The following HECW2 variants were observed in gnomAD, a reference collection of about 807,000 sequenced individuals.
HECW2 encodes E3 ubiquitin-protein ligase HECW2.
In HECW2, 61 loss-of-function variants were observed where a neutral mutation model predicts 175.2. The observed-to-expected ratio is 0.35, with a 90% CI of 0.28 to 0.43. The LOEUF is 0.43. Among genes scored for constraint, HECW2 ranks in the 20% least tolerant of loss-of-function variants. The pLI is 1.00. For missense variants in HECW2, 1,524 were observed against 2,000.5 expected (o/e 0.76, Z 4.54); for synonymous variants, 671 against 731.0 (o/e 0.92, Z 1.32).
chr2:196,389,967 C>T (rs1049941334), intron 2 of HECW2, among the ~76,000 whole-genome samples: 3 of 152,104 alleles, frequency 2.0e-5, no homozygotes, highest in African/African-American at 7.2e-5. Flanking sequence ...CCAGCCAAAA[C>T]CCTTTCTGAT....
intron 15 of HECW2, among the ~76,000 whole-genome samples, chr2:196,274,715 G>A (rs902343859): frequency 2.0e-5 from 3 of 152,182 alleles, no homozygotes; most frequent in African/African-American, 7.2e-5. Context: ...CCACACCAGG[G>A]TGCTAATAGG....
intron 10 of HECW2, among the ~76,000 whole-genome samples, chr2:196,308,562 A>G (rs1453807319): frequency 1.3e-5 from 2 of 152,240 alleles, no homozygotes; most frequent in African/African-American, 4.8e-5. Flanking sequence ...GTCCTCAGAA[A>G]AAAATAACTA....
At chr2:196,369,362 C>A (rs1201515760) in intron 2 of HECW2, among the ~76,000 whole-genome samples, 1 of 130,534 alleles carries the variant, frequency 7.7e-6, no homozygotes, top group East Asian at 2.0e-4. Flanking sequence ...CTCTCTCTCT[C>A]TCTCTCTCTC....
At chr2:196,303,959 A>C (rs554546462) in intron 13 of HECW2, among the ~76,000 whole-genome samples, 23 of 152,054 alleles carry the variant, frequency 1.5e-4, no homozygotes, top group African/African-American at 5.1e-4. Flanking sequence ...CGTTAGCCCA[A>C]GCCACTTCCA....
At chr2:196,358,852 A>G (rs569630030) in intron 2 of HECW2, among the ~76,000 whole-genome samples, 65 of 152,304 alleles carry the variant, frequency 4.3e-4, no homozygotes, top group African/African-American at 1.5e-3. Flanking sequence ...TCCTTACTGT[A>G]CAGTGATTGT....
At chr2:196,343,865 G>T in intron 2 of HECW2, 101 bp from the exon 3 acceptor site, 1 of 797,538 alleles carries the variant, frequency 1.3e-6, no homozygotes, top group African/African-American at 1.7e-5. Context: ...AAAGATAAAT[G>T]AGAAAATATA....
rs182496059 is a variant in HECW2, at chr2:196,256,401, A to C, written c.3419+1422T>G. On this transcript the variant is annotated intron_variant, in intron 18 of 28. Transcript: ENST00000644978. ...AATGAGTTCTGAATTATTTGAATTC[A>C]AATACATTTGAATTCTACTACTTAA... Among the ~76,000 whole-genome samples, 194 of 152,328 alleles carry C rather than the reference A, an allele frequency of 1.3e-3. 1 individual carries two copies. The highest frequency in any genetic ancestry group is 5.0e-3 in the Admixed American group (77 of 15,306).
chr2:196,515,817 A>G (rs1003089023), intron 1 of HECW2, among the ~76,000 whole-genome samples: 1 of 152,054 alleles, frequency 6.6e-6, no homozygotes, highest in Non-Finnish European at 1.5e-5. Flanking sequence ...TTTTGCTACT[A>G]TGAGTGTTAT....
chr2:196,201,392 A>C lies in HECW2; in HGVS notation c.4608-4T>G. ...ACGGTTAAAACATGTATGCGCTCTG[A>C]AAACACAAGAAACAGCACATAGTTT... is the stretch of plus-strand genomic sequence containing the variant. On this transcript the variant is annotated splice_region_variant and splice_polypyrimidine_tract_variant and intron_variant, in intron 28 of 28. Coordinates refer to ENST00000644978, the MANE Select transcript of HECW2 (RefSeq NM_001348768.2). 6.3e-7 allele frequency: 1 copy of C among 1,593,722 alleles called. No individual in the cohort carries two copies.
At chr2:196,556,567 T>G (rs1689801240) in intron 1 of HECW2, among the ~76,000 whole-genome samples, 1 of 152,234 alleles carries the variant, frequency 6.6e-6, no homozygotes, top group African/African-American at 2.4e-5. Context: ...TCACTTAGCA[T>G]CATGTCCTTA....
At chr2:196,396,691 A>G (rs966194415) in intron 2 of HECW2, among the ~76,000 whole-genome samples, 1 of 152,238 alleles carries the variant, frequency 6.6e-6, no homozygotes, top group Admixed American at 6.5e-5. Context: ...TGAAATGTTA[A>G]CAGAGATCAA....
chr2:196,301,725 GT>G (rs377063164), intron 13 of HECW2, among the ~76,000 whole-genome samples: 3,065 of 112,810 alleles, frequency 0.027, 74 homozygotes, highest in African/African-American at 0.08. Context: ...TAATGGGATT[GT>G]TTTTTTTTTT....
At chr2:196,395,670 A>G (rs1575497263) in intron 2 of HECW2, among the ~76,000 whole-genome samples, 1 of 151,510 alleles carries the variant, frequency 6.6e-6, no homozygotes, top group Admixed American at 6.6e-5. Flanking sequence ...CAAAATCACA[A>G]TGATACCACT....
At chr2:196,251,493 C>G (rs984419365) in intron 19 of HECW2, among the ~76,000 whole-genome samples, 3 of 152,162 alleles carry the variant, frequency 2.0e-5, no homozygotes, top group Non-Finnish European at 4.4e-5. Flanking sequence ...TGGGAATCTC[C>G]CATTGATGGC....
Position 196,511,650 on chromosome 2 carries a change from T to C in HECW2, c.-35-78192A>G, listed in dbSNP as rs531023971. Among the ~76,000 whole-genome samples, 20 of 152,294 alleles carry C rather than the reference T, an allele frequency of 1.3e-4. No homozygotes were observed. In the South Asian group the frequency reaches 4.1e-3, roughly 32 times the overall value. On this transcript the variant is annotated intron_variant, in intron 1 of 28. Transcript: ENST00000644978. ...ATGTTATTAAAGAAACAAAAAGTGC[T>C]ATGAGGAAATATTCCTGAACAAGGA...
intron 10 of HECW2, among the ~76,000 whole-genome samples, chr2:196,314,840 C>T (rs909016735): frequency 6.6e-6 from 1 of 152,174 alleles, no homozygotes; most frequent in African/African-American, 2.4e-5. Flanking sequence ...CCAGACACCC[C>T]AAGCTGAGCC....
chr2:196,234,736 T>C (rs1688179996), intron 21 of HECW2, among the ~76,000 whole-genome samples: 1 of 152,214 alleles, frequency 6.6e-6, no homozygotes, highest in Admixed American at 6.5e-5. Flanking sequence ...TAGTATTTCA[T>C]TGACCTCAAC....
intron 2 of HECW2, among the ~76,000 whole-genome samples, chr2:196,344,403 G>T (rs901675354): frequency 6.8e-6 from 1 of 146,924 alleles, no homozygotes; most frequent in African/African-American, 2.5e-5. Flanking sequence ...CCCCCCAAAA[G>T]GCCTGAAAGC....
intron 2 of HECW2, among the ~76,000 whole-genome samples, chr2:196,407,724 CTG>C (rs1695002087): frequency 6.6e-6 from 1 of 152,266 alleles, no homozygotes; most frequent in South Asian, 2.1e-4. Flanking sequence ...ATGTATTGAA[CTG>C]TGTGTGTGCT....
Sources: gnomAD v4.1 joint callset for allele counts (sites outside exome capture counted in the v4.1 genomes callset) on GRCh38, gnomAD v4.1.1 for gene constraint, MANE v1.5 for transcripts, NCBI Gene and HGNC (gene_info 2026-07-23, HGNC 2026-07-21) for gene names.